PIK3C2G: variants seen among roughly 807,000 people sequenced by gnomAD.
PIK3C2G encodes the protein phosphatidylinositol 3-kinase C2 domain-containing subunit gamma.
PIK3C2G carries 168 observed loss-of-function variants against 181.1 expected under a neutral mutation model. The ratio of observed to expected loss-of-function variants is 0.93; its 90% confidence interval spans 0.82 to 1.05. PIK3C2G has a LOEUF of 1.05. PIK3C2G is among the 50% of genes least tolerant of loss of function. The pLI, the probability that PIK3C2G is intolerant of heterozygous loss-of-function variation, is 0.00. For synonymous variants in PIK3C2G, 573 were observed against 592.2 expected (o/e 0.97, Z 0.47); for missense variants, 1,869 against 1,732.8 (o/e 1.08, Z -1.40).
intron 29 of PIK3C2G, among the ~76,000 whole-genome samples, chr12:18,583,578 G>A (rs1385285800): frequency 1.3e-5 from 2 of 151,286 alleles, no homozygotes; most frequent in African/African-American, 4.9e-5. Context: ...ATCAGGGGCT[G>A]GTCCAGACCC....
At chr12:18,628,507 C>G (rs1312826463) in intron 31 of PIK3C2G, among the ~76,000 whole-genome samples, 1 of 152,068 alleles carries the variant, frequency 6.6e-6, no homozygotes, top group Admixed American at 6.6e-5. Context: ...GGGCAAGAAA[C>G]AAAGGCAGAA....
intron 1 of PIK3C2G, among the ~76,000 whole-genome samples, chr12:18,279,853 C>A (rs1460470258): frequency 1.3e-5 from 2 of 151,978 alleles, no homozygotes; most frequent in Non-Finnish European, 2.9e-5. Flanking sequence ...TTACATACAT[C>A]TCTTGAAAAT....
chr12:18,568,874 C>G (rs1275563140), intron 29 of PIK3C2G, among the ~76,000 whole-genome samples: 3 of 152,114 alleles, frequency 2.0e-5, no homozygotes, highest in Non-Finnish European at 4.4e-5. Flanking sequence ...CATTGTTCTT[C>G]TTACTATTTT....
intron 16 of PIK3C2G, among the ~76,000 whole-genome samples, chr12:18,416,170 G>C (rs1171469319): frequency 6.6e-6 from 1 of 152,112 alleles, no homozygotes; most frequent in African/African-American, 2.4e-5. Context: ...ACTTGAATCT[G>C]GGAAGCAGAG....
In PIK3C2G at chr12:18,362,815, G is replaced by A; in HGVS notation, c.1677G>A (p.Leu559=). ...TCWLTYAGKK[L]CQVRNYRNIP... ...GGCTTACATATGCTGGAAAGAAGCT[G>A]TGCCAAGTGAGAAACTACAGAAATA... The change falls in exon 12 of 33, where the codon CTG becomes CTA. Residue 559 remains leucine (L), a synonymous_variant. Transcript: ENST00000538779. The A allele has an allele frequency of 6.6e-7, 1 of 1,523,280 alleles. No homozygotes were observed. The highest frequency in any genetic ancestry group is 8.8e-7 in the Non-Finnish European group (1 of 1,140,746). 94.4% of individuals were successfully genotyped at this position (1,523,280 alleles called of 1,614,324 possible). A position where few individuals can be genotyped will look rare whatever the true frequency, so the allele number is the denominator to read the frequency against.
chr12:18,274,353 T>C (rs373639371), intron 1 of PIK3C2G, among the ~76,000 whole-genome samples: 63 of 152,150 alleles, frequency 4.1e-4, no homozygotes, highest in African/African-American at 6.5e-4. Flanking sequence ...CACATGCACA[T>C]GTATGTTTAT....
At chr12:18,371,418 C>A in intron 13 of PIK3C2G, 107 bp downstream of exon 13, 1 of 896,712 alleles carries the variant, frequency 1.1e-6, no homozygotes. Context: ...ACATTTTATT[C>A]TAAAATTGAC....
intron 18 of PIK3C2G, among the ~76,000 whole-genome samples, chr12:18,485,558 ATGT>A (rs1263439817): frequency 6.6e-6 from 1 of 152,138 alleles, no homozygotes; most frequent in East Asian, 1.9e-4. Context: ...CCTCATTTTA[ATGT>A]TGTCATAACT....
At chr12:18,320,771 C>T (rs924475915) in intron 6 of PIK3C2G, among the ~76,000 whole-genome samples, 191 bp from the exon 7 acceptor site, 7 of 152,204 alleles carry the variant, frequency 4.6e-5, no homozygotes, top group African/African-American at 1.7e-4. Flanking sequence ...GCCAAGCTTT[C>T]TGTTTTACTT....
At chr12:18,334,352 T>C (rs74070241) in intron 8 of PIK3C2G, among the ~76,000 whole-genome samples, 3,486 of 152,268 alleles carry the variant, frequency 0.023, 153 homozygotes, top group African/African-American at 0.08. Flanking sequence ...TTTGTTCTCA[T>C]TTATCATCTT....
chr12:18,342,798 AT>A (rs1160355934), intron 9 of PIK3C2G, among the ~76,000 whole-genome samples: 1 of 152,030 alleles, frequency 6.6e-6, no homozygotes, highest in Admixed American at 6.6e-5. Flanking sequence ...TTCAGATTGT[AT>A]TTTTTATTTA....
intron 2 of PIK3C2G, among the ~76,000 whole-genome samples, chr12:18,284,782 G>GA (rs769511583): frequency 1.4e-4 from 21 of 151,898 alleles, no homozygotes; most frequent in African/African-American, 4.6e-4. Context: ...AAGAACAGGG[G>GA]AAAAAATAAT....
At chr12:18,366,533 A>AAAAT (rs1360932847) in intron 12 of PIK3C2G, among the ~76,000 whole-genome samples, 1 of 152,198 alleles carries the variant, frequency 6.6e-6, no homozygotes, top group Non-Finnish European at 1.5e-5. Flanking sequence ...CTGTCTCAAA[A>AAAAT]AAATAAATAA....
chr12:18,548,128 A>C (rs932067800), intron 26 of PIK3C2G, among the ~76,000 whole-genome samples: 2 of 151,982 alleles, frequency 1.3e-5, no homozygotes, highest in Non-Finnish European at 2.9e-5. Flanking sequence ...TAGCCCCCTG[A>C]GGGTATCCCT....
intron 24 of PIK3C2G, among the ~76,000 whole-genome samples, chr12:18,522,132 C>A (rs1942961333): frequency 6.6e-6 from 1 of 152,226 alleles, no homozygotes; most frequent in South Asian, 2.1e-4. Context: ...GATTTGCACA[C>A]TGTTATGGTT....
intron 24 of PIK3C2G, among the ~76,000 whole-genome samples, chr12:18,531,072 T>G (rs1455788735): frequency 6.6e-6 from 1 of 152,142 alleles, no homozygotes; most frequent in Non-Finnish European, 1.5e-5. Flanking sequence ...TCACATGCCT[T>G]ATGTAATGTA....
At chr12:18,619,741 ATTT>A (rs34358685) in intron 31 of PIK3C2G, among the ~76,000 whole-genome samples, 4,069 of 142,976 alleles carry the variant, frequency 0.028, 192 homozygotes, top group African/African-American at 0.1. Context: ...TATGATTTTA[ATTT>A]TTTTTTTTTT....
chr12:18,710,602 A>G, the PIK3C2G span, among the ~76,000 whole-genome samples: 1 of 152,146 alleles, frequency 6.6e-6, no homozygotes, highest in Non-Finnish European at 1.5e-5. Context: ...GCAGGGGAAT[A>G]AGAAAAGAAG....
chr12:18,392,317 G>T (rs1943586013), intron 15 of PIK3C2G, among the ~76,000 whole-genome samples: 1 of 151,964 alleles, frequency 6.6e-6, no homozygotes, highest in Non-Finnish European at 1.5e-5. Flanking sequence ...AATTAGTTTG[G>T]GCCCTCCCAT....
Sources: gnomAD v4.1 joint callset for allele counts (sites outside exome capture counted in the v4.1 genomes callset) on GRCh38, gnomAD v4.1.1 for gene constraint, MANE v1.5 for transcripts, NCBI Gene and HGNC (gene_info 2026-07-23, HGNC 2026-07-21) for gene names.